Variants in DNAH14 observed in about 807,000 individuals in gnomAD.
DNAH14 encodes the protein axonemal beta dynein heavy chain 14.
Under a neutral mutation model 520.9 loss-of-function variants are expected in DNAH14, and 478 were observed. The ratio of observed to expected loss-of-function variants is 0.92; its 90% CI spans 0.85 to 0.99. DNAH14 has a LOEUF of 0.99. Among genes scored for constraint, DNAH14 ranks in the 50% least tolerant of loss-of-function variants. DNAH14 has a pLI of 0.00. For synonymous variants in DNAH14, 1,581 were observed against 1,757.2 expected, an observed-to-expected ratio of 0.90 and a Z score of 2.51; for missense variants, 4,831 against 5,234.5, an observed-to-expected ratio of 0.92 and a Z score of 2.38.
intron 66 of DNAH14, among the ~76,000 whole-genome samples, chr1:225,336,192 G>A (rs993449070): frequency 2.1e-4 from 31 of 148,026 alleles, no homozygotes; most frequent in Admixed American, 1.6e-3. Flanking sequence ...CTATGCAACA[G>A]TATAAACCAA....
chr1:225,242,655 T>C (rs1460299997), intron 43 of DNAH14, among the ~76,000 whole-genome samples: 1 of 152,132 alleles, frequency 6.6e-6, no homozygotes, highest in Non-Finnish European at 1.5e-5. Flanking sequence ...TATATATAAA[T>C]AGAAGGAGTG....
intron 60 of DNAH14, among the ~76,000 whole-genome samples, chr1:225,314,306 C>T (rs1432969058): frequency 6.6e-6 from 1 of 152,134 alleles, no homozygotes; most frequent in Non-Finnish European, 1.5e-5. Flanking sequence ...CTTCCTCCAG[C>T]CCTTTATTTT....
chr1:225,232,278 T>C lies in DNAH14; in HGVS notation c.6518+1127T>C, dbSNP rs542488199. ...ATATATATAAACTGTGATATATATA[T>C]ATACACACACACACACACACACGTG... is the stretch of plus-strand genomic sequence containing the variant. On this transcript the variant is annotated intron_variant, in intron 42 of 85. Coordinates refer to ENST00000682510, the MANE Select transcript of DNAH14 (RefSeq NM_001367479.1). The surrounding 1 kb of genome is among the most constrained non-coding windows in gnomAD (Gnocchi z 4.2). Among the ~76,000 whole-genome samples the C allele has an allele frequency of 0.054, 7,272 of 133,684 alleles. 271 individuals carry two copies. The highest frequency in any genetic ancestry group is 0.077 in the Non-Finnish European group (4,887 of 63,256). 87.7% of individuals were successfully genotyped at this position (133,684 alleles called of 152,430 possible).
At chr1:225,253,880 T>C (rs2092645456) in intron 44 of DNAH14, among the ~76,000 whole-genome samples, 1 of 152,212 alleles carries the variant, frequency 6.6e-6, no homozygotes, top group Non-Finnish European at 1.5e-5. Flanking sequence ...CTCCCAACTC[T>C]ATTCTTTCCT....
At chr1:224,954,356 A>G (rs1170727338) in intron 2 of DNAH14, 1 of 152,136 alleles carries the variant, frequency 6.6e-6, no homozygotes, top group Non-Finnish European at 1.5e-5. Flanking sequence ...TTTCCCCTTA[A>G]CACTACATAT....
At chr1:224,982,329 G>A (rs1214878036) in intron 8 of DNAH14, among the ~76,000 whole-genome samples, 2 of 152,206 alleles carry the variant, frequency 1.3e-5, no homozygotes, top group Non-Finnish European at 2.9e-5. Flanking sequence ...GACTGGCAAA[G>A]CAGAATATCT....
Position 225,265,465 on chromosome 1 carries a change from AAC to A in DNAH14, c.7410+102_7410+103del, listed in dbSNP as rs988806334. ...CTAATCAGAAGAAAAATATTTGTGT[AAC>A]ACACATTTTTGAACATCATAGAAGA... On this transcript the variant is annotated intron_variant, in intron 48 of 85. Coordinates refer to ENST00000682510, the MANE Select transcript of DNAH14 (RefSeq NM_001367479.1). The A allele has an allele frequency of 5.4e-6, 6 of 1,102,976 alleles. No homozygotes were observed. The African/African-American group carries it at 6.7e-5, about 12-fold the overall frequency. 68.3% of individuals were successfully genotyped at this position (1,102,976 alleles called of 1,614,324 possible).
At position 225,252,281 on chromosome 1, in the gene DNAH14, T is replaced by A; in HGVS notation, c.6749-20T>A. On this transcript the variant is annotated intron_variant, in intron 43 of 85. Transcript: ENST00000682510. ...TAACTGAACCCCTTTCTTAGTTGAA[T>A]TTATTATTTTCGGTTGTAGGCATCA... 1 of 1,350,062 alleles carries A rather than the reference T, an allele frequency of 7.4e-7. No homozygotes were observed. Among genetic ancestry groups the A allele is most frequent in the Non-Finnish European group, 1.0e-6 (1 of 963,908 alleles). 83.6% of individuals were successfully genotyped at this position (1,350,062 alleles called of 1,614,324 possible).
intron 10 of DNAH14, among the ~76,000 whole-genome samples, chr1:225,010,645 G>A (rs372796422): frequency 4.8e-4 from 73 of 152,196 alleles, no homozygotes; most frequent in African/African-American, 1.6e-3. Flanking sequence ...CTTTTCTATT[G>A]TTTGGAATAG....
At chr1:224,995,428 G>A (rs2063333183) in intron 8 of DNAH14, among the ~76,000 whole-genome samples, 1 of 151,766 alleles carries the variant, frequency 6.6e-6, no homozygotes, top group Non-Finnish European at 1.5e-5. Flanking sequence ...GTTATACTGG[G>A]ATTTTTTTTT....
chr1:225,397,533 G>T (rs1412684304), intron 84 of DNAH14: 1 of 152,274 alleles, frequency 6.6e-6, no homozygotes, highest in African/African-American at 2.4e-5. Flanking sequence ...AGGGTGGCCT[G>T]GTACTTGGCC....
chr1:225,299,628 T>A (rs1317632504), intron 55 of DNAH14, among the ~76,000 whole-genome samples: 1 of 152,170 alleles, frequency 6.6e-6, no homozygotes, highest in African/African-American at 2.4e-5. Context: ...ATTTAATAAA[T>A]CAGTTTCAGA....
chr1:225,090,451 C>A (rs2074275287), intron 21 of DNAH14, among the ~76,000 whole-genome samples: 1 of 152,024 alleles, frequency 6.6e-6, no homozygotes, highest in Non-Finnish European at 1.5e-5. Flanking sequence ...AAAAGAAGAA[C>A]AAAGTTGGAG....
Position 225,259,249 on chromosome 1 carries a change from T to C in DNAH14, c.7153T>C (p.Ser2385Pro). 1 of 1,479,080 alleles carries C rather than the reference T, an allele frequency of 6.8e-7. No homozygotes were observed. The highest frequency in any genetic ancestry group is 9.0e-7 in the Non-Finnish European group (1 of 1,109,500). 91.6% of individuals were successfully genotyped at this position (1,479,080 alleles called of 1,614,324 possible). ...DTLLYSEIKK[S>P]SSLKQNITIL... is the part of the protein sequence containing the mutation. ...CCTATTATATAGTGAAATAAAAAAATCAAGGTTGTATATACTAACTTCTAA... is the reference window on the plus strand; with the variant it reads ...CCTATTATATAGTGAAATAAAAAAACCAAGGTTGTATATACTAACTTCTAA... Residue 2385 changes from serine (S) to proline (P), a missense_variant, in exon 46 of 86, where the codon TCA (serine) becomes CCA (proline). Ser to Pro is a moderately conservative substitution (Grantham distance 74). Coordinates refer to ENST00000682510, the MANE Select transcript of DNAH14 (RefSeq NM_001367479.1).
chr1:225,297,092 TCTC>T (rs1245097606), intron 55 of DNAH14, among the ~76,000 whole-genome samples: 1 of 152,070 alleles, frequency 6.6e-6, no homozygotes, highest in East Asian at 1.9e-4. Context: ...TCCCTTCTCT[TCTC>T]CTTCTGGAAT....
intron 17 of DNAH14, among the ~76,000 whole-genome samples, chr1:225,078,386 C>A (rs937836501): frequency 6.6e-6 from 1 of 152,162 alleles, no homozygotes; most frequent in African/African-American, 2.4e-5. Context: ...TTATTATGCA[C>A]CGTTCACATT....
chr1:224,955,242 T>C (rs2060436535), intron 3 of DNAH14, 144 bp downstream of exon 3: 1 of 812,370 alleles, frequency 1.2e-6, no homozygotes, highest in South Asian at 1.7e-5. Context: ...TCATTAGTTA[T>C]AGCAGTTAGC....
chr1:225,359,373 A>G (rs1046120097), intron 74 of DNAH14, among the ~76,000 whole-genome samples: 2 of 152,234 alleles, frequency 1.3e-5, no homozygotes, highest in African/African-American at 4.8e-5. Context: ...GACTTGTGCA[A>G]AAATATGTTA....
intron 11 of DNAH14, chr1:225,024,753 A>G (rs1392258019): frequency 6.6e-6 from 1 of 152,146 alleles, no homozygotes; most frequent in Non-Finnish European, 1.5e-5. Flanking sequence ...GTGATAGTGC[A>G]TTATAATTTT....
Sources: gnomAD v4.1 joint callset for allele counts (sites outside exome capture counted in the v4.1 genomes callset) on GRCh38, gnomAD v4.1.1 for gene constraint, Gnocchi (gnomAD v3.1) non-coding constraint, MANE v1.5 for transcripts, NCBI Gene and HGNC (gene_info 2026-07-23, HGNC 2026-07-21) for gene names.